The following CCNT1 variants were observed in gnomAD, a reference collection of about 807,000 sequenced individuals.
The protein encoded by CCNT1 is cyclin-T1.
In CCNT1, 18 loss-of-function variants were observed where a neutral mutation model predicts 67.3. That is an observed-to-expected ratio of 0.27 (90% CI 0.18 to 0.40). CCNT1 has a LOEUF of 0.40. Among genes scored for constraint, CCNT1 ranks in the 10% least tolerant of loss-of-function variants. CCNT1 has a pLI of 1.00. For synonymous variants in CCNT1, 333 were observed against 310.3 expected, an observed-to-expected ratio of 1.07 and a Z score of -0.77; for missense variants, 744 against 884.9, an observed-to-expected ratio of 0.84 and a Z score of 2.02.
At position 48,693,316 on chromosome 12, in the gene CCNT1, C is replaced by G. The variant is rs767735381; in HGVS notation, c.1898G>C (p.Arg633Pro). The change falls in exon 9 of 9, where the codon CGT (arginine) becomes CCT (proline). Residue 633 changes from arginine (R) to proline (P), a missense_variant. Physicochemically the swap from Arg to Pro is moderately radical, Grantham distance 103. Coordinates refer to ENST00000261900, the MANE Select transcript of CCNT1 (RefSeq NM_001240.4). The stretch of plus-strand genomic sequence containing the variant: ...TTTATCCAGTTTCGAATGAGGGACA[C>G]GAGTTTTACAGCTGGGCTGTGAAAA... ...LSFSQPSCKT[R>P]VPHSKLDKGP... is the part of the protein sequence containing the mutation. The G allele has an allele frequency of 1.2e-6, 2 of 1,614,148 alleles. No homozygotes were observed. The highest frequency in any genetic ancestry group is 1.7e-6 in the Non-Finnish European group (2 of 1,180,026).
chr12:48,709,000 C>T (rs1375503836), intron 2 of CCNT1, among the ~76,000 whole-genome samples: 1 of 152,060 alleles, frequency 6.6e-6, no homozygotes, highest in East Asian at 1.9e-4. Context: ...TCACTTGAGC[C>T]CAGGACATGG....
Position 48,693,346 on chromosome 12 carries a change from A to G in CCNT1, c.1868T>C (p.Leu623Pro), listed in dbSNP as rs1565614946. The G allele has an allele frequency of 6.2e-7, 1 of 1,614,220 alleles. No individual in the cohort carries two copies. Among genetic ancestry groups the G allele is most frequent in the Non-Finnish European group, 8.5e-7 (1 of 1,180,044 alleles). ...TTTACAGCTGGGCTGTGAAAAGGAA[A>G]GGCCACTTGTGTCTGAGCTATGCCC... is the stretch of plus-strand genomic sequence containing the variant. ...MPGHSSDTSG[L>P]SFSQPSCKTR... The change falls in exon 9 of 9, where the codon CTT becomes CCT. Residue 623 changes from leucine (L) to proline (P), a missense_variant. Coordinates refer to ENST00000261900, the MANE Select transcript of CCNT1 (RefSeq NM_001240.4).
chr12:48,705,712 GA>G (rs1170556617), intron 3 of CCNT1, 55 bp downstream of exon 3: 149 of 1,408,062 alleles, frequency 1.1e-4, no homozygotes, highest in Middle Eastern at 3.6e-4. Context: ...TGGGAGTAGG[GA>G]AAAAAAAAGA....
rs1358105596 is a variant in CCNT1 at position 48,692,404 on chromosome 12, A to G, written c.*629T>C. Reference sequence around the variant, plus strand: ...CATACCCACACTTACATACACACTTAAAAGTCTGAAAAAAGTGGCCTGAGC... The same window carrying G: ...CATACCCACACTTACATACACACTTGAAAGTCTGAAAAAAGTGGCCTGAGC... On this transcript the variant is annotated 3_prime_UTR_variant, in exon 9 of 9. Transcript: ENST00000261900. 6.6e-6 allele frequency: 1 copy of G among 152,218 alleles called. No homozygotes were observed. The highest frequency in any genetic ancestry group is 1.5e-5 in the Non-Finnish European group (1 of 68,080). 9.4% of individuals were successfully genotyped at this position (152,218 alleles called of 1,614,324 possible). A position where few individuals can be genotyped will look rare whatever the true frequency, so the allele number is the denominator to read the frequency against.
At chr12:48,712,579 T>TTAAAAAA (rs1565621819) in intron 2 of CCNT1, among the ~76,000 whole-genome samples, 1 of 32,884 alleles carries the variant, frequency 3.0e-5, no homozygotes, top group African/African-American at 1.1e-4. Context: ...ATCTTTTCCT[T>TTAAAAAA]AAAAAAAAAA....
chr12:48,697,092 G>C (rs948582354), intron 6 of CCNT1, among the ~76,000 whole-genome samples: 2 of 151,898 alleles, frequency 1.3e-5, no homozygotes, highest in African/African-American at 4.8e-5. Flanking sequence ...CCTCAGCCTG[G>C]GATTACAGGT....
At chr12:48,701,966 G>A (rs957890956) in intron 3 of CCNT1, among the ~76,000 whole-genome samples, 2 of 149,618 alleles carry the variant, frequency 1.3e-5, no homozygotes, top group Non-Finnish European at 3.0e-5. Context: ...GCGCGACCTC[G>A]CCTCACTGCA....
chr12:48,694,315 A>G lies in CCNT1; in HGVS notation c.899T>C (p.Met300Thr). The G allele has an allele frequency of 3.1e-6, 5 of 1,614,212 alleles. No homozygotes were observed. The highest frequency in any genetic ancestry group is 4.2e-6 in the Non-Finnish European group (5 of 1,180,030). ...ACTTGTGGTAGAAGTTGACATGCTCATTAAACCTGCAATGGTTGTGTCTGA... is the reference window on the plus strand; with the variant it reads ...ACTTGTGGTAGAAGTTGACATGCTCGTTAAACCTGCAATGGTTGTGTCTGA... ...SSSDTTIAGL[M>T]SMSTSTTSAV... The change falls in exon 9 of 9, where the codon ATG (methionine) becomes ACG (threonine). Residue 300 changes from methionine (M) to threonine (T), a missense_variant. By Grantham distance (81) the Met-to-Thr change is moderately conservative. This residue lies in a region of CCNT1 where 564 missense variants were observed against 574.2 expected (regional missense o/e 0.98). Coordinates refer to ENST00000261900, the MANE Select transcript of CCNT1 (RefSeq NM_001240.4).
At chr12:48,712,262 G>A (rs994911040) in intron 2 of CCNT1, among the ~76,000 whole-genome samples, 1 of 151,962 alleles carries the variant, frequency 6.6e-6, no homozygotes, top group African/African-American at 2.4e-5. Context: ...CTAAGGATAC[G>A]AAATAAGCAT....
chr12:48,692,853 C>T lies in CCNT1; in HGVS notation c.*180G>A, dbSNP rs1288157270. The stretch of plus-strand genomic sequence containing the variant: ...AAAACTGTAAGAAAATAGTTAAATG[C>T]ATGAGACAGCAGATATATAGCCAAG... On this transcript the variant is annotated 3_prime_UTR_variant, in exon 9 of 9. Coordinates refer to ENST00000261900, the MANE Select transcript of CCNT1 (RefSeq NM_001240.4). The T allele has an allele frequency of 5.4e-6, 3 of 555,856 alleles. No individual in the cohort carries two copies. Among genetic ancestry groups the T allele is most frequent in the Non-Finnish European group, 6.4e-6 (2 of 313,620 alleles). 34.4% of individuals were successfully genotyped at this position (555,856 alleles called of 1,614,324 possible).
chr12:48,716,435 C>T, intron 1 of CCNT1, 80 bp downstream of exon 1: 1 of 1,311,120 alleles, frequency 7.6e-7, no homozygotes, highest in Non-Finnish European at 1.0e-6. Context: ...CACTTTCGTC[C>T]CCCCCACAGA....
chr12:48,716,490 C>A (rs769012852), intron 1 of CCNT1, 25 bp downstream of exon 1: 1 of 1,590,832 alleles, frequency 6.3e-7, no homozygotes, highest in South Asian at 1.1e-5. Context: ...AACTCCAAGG[C>A]CGAAGGCCTA....
rs202130825 is a variant in CCNT1, at chr12:48,714,192, GC to G, written c.243+250del. ...CAAAGTGCTGGGATTACAGTTGTGA[GC>G]CACTGCACCCGGCCTAATCTACTTC... On this transcript the variant is annotated intron_variant, in intron 2 of 8. Transcript: ENST00000261900. Among the ~76,000 whole-genome samples the G allele has an allele frequency of 3.3e-5, 5 of 152,316 alleles. No individual in the cohort carries two copies. The East Asian group carries it at 9.6e-4, about 29-fold the overall frequency.
rs1313905713 is a variant in CCNT1, at chr12:48,690,182, A to G, written c.*2851T>C. ...GTATCTGATTAAAAGCCTTAAGGACAATCCACAGGTATTTGTTTTTGCCAA... is the reference window on the plus strand; with the variant it reads ...GTATCTGATTAAAAGCCTTAAGGACGATCCACAGGTATTTGTTTTTGCCAA... On this transcript the variant is annotated 3_prime_UTR_variant, in exon 9 of 9. Coordinates refer to ENST00000261900, the MANE Select transcript of CCNT1 (RefSeq NM_001240.4). The G allele has an allele frequency of 6.6e-6, 1 of 152,228 alleles. No homozygotes were observed. 9.4% of individuals were successfully genotyped at this position (152,228 alleles called of 1,614,324 possible).
chr12:48,707,611 T>A (rs553350476), intron 2 of CCNT1, among the ~76,000 whole-genome samples: 2 of 152,222 alleles, frequency 1.3e-5, no homozygotes, highest in South Asian at 4.1e-4. Flanking sequence ...ACTAAAGATT[T>A]TGAAAAATAT....
chr12:48,699,862 T>A lies in CCNT1; in HGVS notation c.434-22A>T, dbSNP rs1191258178. The A allele has an allele frequency of 3.4e-5, 50 of 1,461,408 alleles. No homozygotes were observed. The Admixed American group carries it at 8.7e-4, about 26-fold the overall frequency. 90.5% of individuals were successfully genotyped at this position (1,461,408 alleles called of 1,614,324 possible). A position where few individuals can be genotyped will look rare whatever the true frequency, so the allele number is the denominator to read the frequency against. On this transcript the variant is annotated intron_variant, in intron 4 of 8. Transcript: ENST00000261900. The stretch of plus-strand genomic sequence containing the variant: ...AAGCCTTAAAAGAAAAAGTAATGGA[T>A]TAAAAAACTATTAAGAAGTTTACAT...
chr12:48,693,271 C>T lies in CCNT1; in HGVS notation c.1943G>A (p.Gly648Asp), dbSNP rs778528112. Residue 648 changes from glycine (G) to aspartate (D), a missense_variant, in exon 9 of 9, where the codon GGT (glycine) becomes GAT (aspartate). Physicochemically the swap from Gly to Asp is moderately conservative, Grantham distance 94. This residue lies in a region of CCNT1 where 564 missense variants were observed against 574.2 expected (regional missense o/e 0.98). Coordinates refer to ENST00000261900, the MANE Select transcript of CCNT1 (RefSeq NM_001240.4). Reference sequence around the variant, plus strand: ...GTCTATTGTCTGGGTCGTGTTGTGACCATTGGCCCCAGTGGGCCCTTTATC... The same window carrying T: ...GTCTATTGTCTGGGTCGTGTTGTGATCATTGGCCCCAGTGGGCCCTTTATC... ...KLDKGPTGAN[G>D]HNTTQTIDYQ... 1.5e-5 allele frequency: 25 copies of T among 1,614,074 alleles called. No homozygotes were observed. Among genetic ancestry groups the T allele is most frequent in the Middle Eastern group, 1.6e-4 (1 of 6,084 alleles).
chr12:48,715,531 G>A (rs2137248198), intron 1 of CCNT1, among the ~76,000 whole-genome samples: 1 of 152,008 alleles, frequency 6.6e-6, no homozygotes, highest in Non-Finnish European at 1.5e-5. Context: ...CGCCATCTCG[G>A]CTAACTGCAA....
chr12:48,700,272 T>C lies in CCNT1; in HGVS notation c.434-432A>G, dbSNP rs1013663677. Among the ~76,000 whole-genome samples, 3 of 149,420 alleles carry C rather than the reference T, an allele frequency of 2.0e-5. No homozygotes were observed. In the East Asian group the frequency reaches 5.8e-4, roughly 29 times the overall value. ...AGGCGGAGGTTGCAATGAGCCAAGA[T>C]TGTGCCACTGCACTCCAGCCTGGGC... On this transcript the variant is annotated intron_variant, in intron 4 of 8. Coordinates refer to ENST00000261900, the MANE Select transcript of CCNT1 (RefSeq NM_001240.4).
Sources: gnomAD v4.1 joint callset for allele counts (sites outside exome capture counted in the v4.1 genomes callset) on GRCh38, gnomAD v4.1.1 for gene constraint, gnomAD v4.1.1 regional missense constraint, MANE v1.5 for transcripts, NCBI Gene and HGNC (gene_info 2026-07-23, HGNC 2026-07-21) for gene names.